The following TENM3 variants were observed in gnomAD, a reference collection of about 807,000 sequenced individuals.
TENM3 encodes the protein teneurin-3.
In TENM3, 63 loss-of-function variants were observed where a neutral mutation model predicts 255.1. That is an observed-to-expected ratio of 0.25 (90% CI 0.20 to 0.30). The LOEUF is 0.30. Ranked by LOEUF, TENM3 falls within the 10% of genes least tolerant of loss-of-function variation. The probability of loss-of-function intolerance (pLI) is 1.00; values close to 1 mark genes in which losing one functional copy is unlikely to be tolerated. For missense variants in TENM3, 2,929 were observed against 3,461.1 expected, an observed-to-expected ratio of 0.85 and a Z score of 3.86; for synonymous variants, 1,306 against 1,322.3, an observed-to-expected ratio of 0.99 and a Z score of 0.27.
chr4:182,647,578 C>G (rs1163348047), intron 5 of TENM3, among the ~76,000 whole-genome samples: 1 of 152,210 alleles, frequency 6.6e-6, no homozygotes, highest in Non-Finnish European at 1.5e-5. Context: ...AGGCAGAATA[C>G]TCTTCCATTG....
chr4:181,574,099 A>G, the TENM3 span, among the ~76,000 whole-genome samples: 2 of 152,222 alleles, frequency 1.3e-5, no homozygotes, highest in Non-Finnish European at 2.9e-5. Context: ...ATACACAGTG[A>G]GCAGTTCCAC....
the TENM3 span, among the ~76,000 whole-genome samples, chr4:181,641,348 G>A: frequency 8.0e-5 from 12 of 150,940 alleles, no homozygotes; most frequent in South Asian, 4.2e-4. Context: ...CCCCACCCCC[G>A]GCAGGGCCCG....
the TENM3 span, among the ~76,000 whole-genome samples, chr4:181,911,587 T>G: frequency 6.6e-6 from 1 of 152,182 alleles, no homozygotes; most frequent in African/African-American, 2.4e-5. Context: ...AGATATCTAA[T>G]TTGAGCAACG....
chr4:181,696,140 T>TTAC, the TENM3 span, among the ~76,000 whole-genome samples: 1 of 152,180 alleles, frequency 6.6e-6, no homozygotes, highest in Admixed American at 6.6e-5. Context: ...ACTAGTGGAA[T>TTAC]TACATTCCAG....
At chr4:182,433,335 C>T (rs987181099) in intron 3 of TENM3, among the ~76,000 whole-genome samples, 5 of 152,108 alleles carry the variant, frequency 3.3e-5, no homozygotes, top group African/African-American at 1.2e-4. Flanking sequence ...ACTATTTCAG[C>T]TTTACAATAG....
At chr4:181,853,852 C>T in the TENM3 span, among the ~76,000 whole-genome samples, 2 of 152,216 alleles carry the variant, frequency 1.3e-5, no homozygotes, top group Admixed American at 1.3e-4. Context: ...GCAAACTATG[C>T]TGAACGATCT....
chr4:182,234,292 A>G (rs912750008), intron 1 of TENM3, among the ~76,000 whole-genome samples: 4 of 152,176 alleles, frequency 2.6e-5, no homozygotes, highest in Non-Finnish European at 5.9e-5. Context: ...CGTACAGAGC[A>G]CGGTTCTCTC....
At chr4:181,595,743 A>G in the TENM3 span, among the ~76,000 whole-genome samples, 11 of 152,170 alleles carry the variant, frequency 7.2e-5, no homozygotes, top group African/African-American at 2.4e-4. Context: ...AATCAGCCAC[A>G]ATGACCTCCT....
chr4:181,450,488 C>T, the TENM3 span, among the ~76,000 whole-genome samples: 1 of 152,050 alleles, frequency 6.6e-6, no homozygotes, highest in Non-Finnish European at 1.5e-5. Context: ...GCTCCTTTTC[C>T]GCCTAACAAT....
At chr4:181,927,859 C>T in the TENM3 span, among the ~76,000 whole-genome samples, 2 of 152,202 alleles carry the variant, frequency 1.3e-5, no homozygotes, top group African/African-American at 4.8e-5. Flanking sequence ...TGCTCTGCAG[C>T]CTCGTCTGGT....
At chr4:182,474,917 T>G (rs923659499) in intron 3 of TENM3, among the ~76,000 whole-genome samples, 3 of 152,214 alleles carry the variant, frequency 2.0e-5, no homozygotes, top group African/African-American at 7.2e-5. Context: ...TGTTGTCCTC[T>G]TGTGCATAAT....
At chr4:182,565,838 G>A (rs1267176536) in intron 3 of TENM3, among the ~76,000 whole-genome samples, 8 of 152,128 alleles carry the variant, frequency 5.3e-5, no homozygotes, top group Non-Finnish European at 1.0e-4. Context: ...TAGCATGTAG[G>A]ATTGAATTCT....
chr4:181,798,066 CAT>C, the TENM3 span, among the ~76,000 whole-genome samples: 8 of 149,152 alleles, frequency 5.4e-5, no homozygotes, highest in African/African-American at 1.5e-4. Context: ...TTGAAAAGGA[CAT>C]GTTAACGCAT....
chr4:182,459,490 T>G (rs2151380631), intron 3 of TENM3, among the ~76,000 whole-genome samples: 1 of 152,336 alleles, frequency 6.6e-6, no homozygotes, highest in South Asian at 2.1e-4. Context: ...ATTAGTTATT[T>G]TTAATGTGCA....
At chr4:181,453,668 C>T in the TENM3 span, among the ~76,000 whole-genome samples, 1 of 152,116 alleles carries the variant, frequency 6.6e-6, no homozygotes, top group African/African-American at 2.4e-5. Context: ...CGAAGGTGGA[C>T]CAGCATGCAA....
chr4:182,272,541 A>T (rs1759713837), intron 1 of TENM3, among the ~76,000 whole-genome samples: 1 of 152,216 alleles, frequency 6.6e-6, no homozygotes, highest in Non-Finnish European at 1.5e-5. Context: ...AAGAACTCAC[A>T]AACTTTGTCA....
intron 13 of TENM3, among the ~76,000 whole-genome samples, chr4:182,725,792 C>T (rs1351986248): frequency 6.6e-6 from 1 of 151,842 alleles, no homozygotes; most frequent in Admixed American, 6.6e-5. Flanking sequence ...CCCACCACCA[C>T]GCCCCTCTAA....
intron 12 of TENM3, among the ~76,000 whole-genome samples, chr4:182,702,584 A>G (rs780922756): frequency 2.0e-4 from 30 of 152,174 alleles, no homozygotes; most frequent in Non-Finnish European, 3.5e-4. Context: ...ACTGTTCTAC[A>G]TTAATTATCA....
chr4:182,797,724 T>A (rs1766598205), intron 27 of TENM3, among the ~76,000 whole-genome samples: 1 of 151,984 alleles, frequency 6.6e-6, no homozygotes, highest in African/African-American at 2.4e-5. Flanking sequence ...TAAGAATAAT[T>A]AGAGATGGAG....
Sources: allele counts gnomAD v4.1 joint callset (sites outside exome capture counted in the v4.1 genomes callset), GRCh38; gene constraint gnomAD v4.1.1; transcripts MANE v1.5; gene names NCBI Gene and HGNC (gene_info 2026-07-23, HGNC 2026-07-21).